The following SLC22A16 variants were observed in gnomAD, a reference collection of about 807,000 sequenced individuals.
SLC22A16 encodes WUGSC:RG331P03.1.
A neutral mutation model predicts 52.9 loss-of-function variants in SLC22A16; 53 were observed. That is an observed-to-expected ratio of 1.00 (90% CI 0.80 to 1.26). The LOEUF (loss-of-function observed/expected upper bound fraction) is 1.26. SLC22A16 is among the 50% of genes most tolerant of loss of function. The pLI, the probability that SLC22A16 is intolerant of heterozygous loss-of-function variation, is 0.00. For missense variants in SLC22A16, 726 were observed against 704.0 expected, an observed-to-expected ratio of 1.03 and a Z score of -0.35; for synonymous variants, 291 against 268.8, an observed-to-expected ratio of 1.08 and a Z score of -0.81.
At chr6:110,474,209 A>T (rs1972500) in intron 1 of SLC22A16, among the ~76,000 whole-genome samples, 1 of 152,058 alleles carries the variant, frequency 6.6e-6, no homozygotes, top group Admixed American at 6.5e-5. Flanking sequence ...TGGAAAAAAT[A>T]TCTTCCACGA....
chr6:110,474,577 T>C (rs2114339098), intron 1 of SLC22A16, among the ~76,000 whole-genome samples: 1 of 152,356 alleles, frequency 6.6e-6, no homozygotes, highest in East Asian at 1.9e-4. Context: ...TAGCCATGAC[T>C]TATTGAGAAC....
At chr6:110,452,909 T>A (rs1205198802) in intron 2 of SLC22A16, among the ~76,000 whole-genome samples, 3 of 152,228 alleles carry the variant, frequency 2.0e-5, no homozygotes, top group Non-Finnish European at 4.4e-5. Flanking sequence ...TAGTTTCTAA[T>A]ATTAAGTAGA....
chr6:110,469,351 C>G (rs1360455730), intron 1 of SLC22A16, among the ~76,000 whole-genome samples: 1 of 152,034 alleles, frequency 6.6e-6, no homozygotes, highest in African/African-American at 2.4e-5. Flanking sequence ...CTGGTGAAAC[C>G]CCATCTCTAC....
intron 2 of SLC22A16, among the ~76,000 whole-genome samples, chr6:110,455,009 G>C (rs541209849): frequency 4.5e-5 from 5 of 112,306 alleles, no homozygotes; most frequent in Non-Finnish European, 8.5e-5. Context: ...CATATAATTA[G>C]TGAAATATAT....
At chr6:110,426,130 C>T (rs748943758) in intron 7 of SLC22A16, among the ~76,000 whole-genome samples, 4 of 152,114 alleles carry the variant, frequency 2.6e-5, no homozygotes, top group East Asian at 1.9e-4. Context: ...TAGAAATATA[C>T]GAAATATATG....
intron 2 of SLC22A16, 52 bp downstream of exon 2, chr6:110,456,486 A>G: frequency 6.4e-7 from 1 of 1,567,106 alleles, no homozygotes; most frequent in Non-Finnish European, 8.6e-7. Context: ...AGAAAACCAG[A>G]TAGGAAAATA....
At chr6:110,465,305 G>A (rs1039354618) in intron 1 of SLC22A16, among the ~76,000 whole-genome samples, 10 of 151,872 alleles carry the variant, frequency 6.6e-5, no homozygotes, top group African/African-American at 2.2e-4. Flanking sequence ...TAGCAATTAG[G>A]TAAAAGAAAG....
intron 2 of SLC22A16, 186 bp downstream of exon 2, chr6:110,456,352 G>A (rs1475855033): frequency 2.5e-6 from 2 of 798,212 alleles, no homozygotes; most frequent in Non-Finnish European, 4.0e-6. Flanking sequence ...TTGGATCTAG[G>A]TATACTGTCT....
At chr6:110,433,210 T>G (rs1013775298) in intron 6 of SLC22A16, among the ~76,000 whole-genome samples, 2 of 152,244 alleles carry the variant, frequency 1.3e-5, no homozygotes, top group Non-Finnish European at 2.9e-5. Flanking sequence ...TCCTCTGCTA[T>G]TCTATACCCC....
intron 2 of SLC22A16, among the ~76,000 whole-genome samples, chr6:110,452,884 G>A (rs932436521): frequency 1.3e-5 from 2 of 152,046 alleles, no homozygotes; most frequent in Non-Finnish European, 2.9e-5. Context: ...CGTTAATGTG[G>A]TAAATACCAT....
chr6:110,476,517 C>A lies in SLC22A16; in HGVS notation c.53+5G>T. The A allele has an allele frequency of 3.4e-6, 5 of 1,477,304 alleles. No homozygotes were observed. The highest frequency in any genetic ancestry group is 3.1e-5 in the African/African-American group (2 of 64,014). The allele number at this position is 1,477,304 out of a possible 1,614,324, so 91.5% of individuals were successfully genotyped here. On this transcript the variant is annotated splice_donor_5th_base_variant and intron_variant, in intron 1 of 7. Coordinates refer to ENST00000368919, the MANE Select transcript of SLC22A16 (RefSeq NM_033125.4). ...GCGTGGCGCCGCGGGGCCCCTCCCCCATACCTGCCGAAGTGCCCCACGTGG... is the reference window on the plus strand; with the variant it reads ...GCGTGGCGCCGCGGGGCCCCTCCCCAATACCTGCCGAAGTGCCCCACGTGG...
At chr6:110,455,179 G>A (rs1269752024) in intron 2 of SLC22A16, among the ~76,000 whole-genome samples, 1 of 149,348 alleles carries the variant, frequency 6.7e-6, no homozygotes, top group Non-Finnish European at 1.5e-5. Context: ...AACATATTTT[G>A]TACTCTGACT....
intron 5 of SLC22A16, among the ~76,000 whole-genome samples, chr6:110,437,555 T>C (rs1774784323): frequency 3.3e-5 from 5 of 152,220 alleles, no homozygotes; most frequent in Admixed American, 3.3e-4. Flanking sequence ...AAAGTGCTAC[T>C]ATAAAAGGAA....
intron 7 of SLC22A16, among the ~76,000 whole-genome samples, chr6:110,428,536 G>A (rs1774367349): frequency 6.6e-6 from 1 of 152,224 alleles, no homozygotes; most frequent in African/African-American, 2.4e-5. Context: ...ACTACTTTCT[G>A]TCCATCAGTC....
chr6:110,450,110 G>A (rs1157584206), intron 2 of SLC22A16, among the ~76,000 whole-genome samples: 1 of 151,952 alleles, frequency 6.6e-6, no homozygotes, highest in Non-Finnish European at 1.5e-5. Context: ...ATGCTGGCCT[G>A]GGCTCAAATC....
intron 1 of SLC22A16, among the ~76,000 whole-genome samples, chr6:110,470,456 G>A (rs1776221030): frequency 6.6e-6 from 1 of 152,086 alleles, no homozygotes; most frequent in African/African-American, 2.4e-5. Context: ...CTCAGGTTCT[G>A]AGCATGACCT....
intron 1 of SLC22A16, among the ~76,000 whole-genome samples, chr6:110,464,198 T>C (rs1002138985): frequency 4.0e-5 from 6 of 151,798 alleles, no homozygotes; most frequent in African/African-American, 1.5e-4. Context: ...AAGACAGATC[T>C]CAAATTAACA....
At chr6:110,447,915 AT>A (rs1166113192) in intron 2 of SLC22A16, among the ~76,000 whole-genome samples, 3 of 152,106 alleles carry the variant, frequency 2.0e-5, no homozygotes, top group African/African-American at 7.2e-5. Flanking sequence ...TTGATGGCTC[AT>A]TTTCCTCTTC....
chr6:110,439,683 A>C (rs539585322), intron 4 of SLC22A16, among the ~76,000 whole-genome samples: 1 of 152,304 alleles, frequency 6.6e-6, no homozygotes, highest in South Asian at 2.1e-4. Flanking sequence ...TTTGAGGATA[A>C]TATAAAATAC....
Sources: allele counts gnomAD v4.1 joint callset (sites outside exome capture counted in the v4.1 genomes callset), GRCh38; gene constraint gnomAD v4.1.1; transcripts MANE v1.5; gene names NCBI Gene and HGNC (gene_info 2026-07-23, HGNC 2026-07-21).